The following SIDT1 variants were observed in gnomAD, a reference collection of about 807,000 sequenced individuals.
SIDT1 encodes SID1 transmembrane family member 1, also known as SID1 transmembrane family, member 1.
A neutral mutation model predicts 107.5 loss-of-function variants in SIDT1; 101 were observed. The ratio of observed to expected loss-of-function variants is 0.94; its 90% confidence interval spans 0.80 to 1.11. The LOEUF (loss-of-function observed/expected upper bound fraction) is 1.11, where lower values mean the gene tolerates loss of function less well. Ranked by LOEUF, SIDT1 falls within the 50% of genes least tolerant of loss-of-function variation. SIDT1 has a pLI of 0.00. For missense variants in SIDT1, 1,076 were observed against 1,058.2 expected (o/e 1.02, Z -0.23); for synonymous variants, 395 against 398.2 (o/e 0.99, Z 0.10).
chr3:113,604,100 A>G, intron 13 of SIDT1, 67 bp downstream of exon 13: 3 of 1,124,916 alleles, frequency 2.7e-6, no homozygotes, highest in Non-Finnish European at 3.9e-6. Flanking sequence ...CAGAGCCACA[A>G]CCACTTAGGC....
In SIDT1 at chr3:113,626,308, C is replaced by G. The variant is rs2271497; in HGVS notation, c.2421+93C>G. 3.1e-3 allele frequency: 2,492 copies of G among 796,770 alleles called. 73 individuals carry two copies. In the East Asian group the frequency reaches 0.059, roughly 19 times the overall value. 49.4% of individuals were successfully genotyped at this position (796,770 alleles called of 1,614,324 possible). A position where few individuals can be genotyped will look rare whatever the true frequency, so the allele number is the denominator to read the frequency against. ...CTCTTCCTTACTTTTTTTTATATTC[C>G]TCTCTAATTTTACTTTCCATTTCCT... On this transcript the variant is annotated intron_variant, in intron 24 of 24. Coordinates refer to ENST00000264852, the MANE Select transcript of SIDT1 (RefSeq NM_017699.3).
At position 113,581,599 on chromosome 3, in the gene SIDT1, G is replaced by A. The variant is rs112704401; in HGVS notation, c.747+155G>A. ...TAAAAACTAATATGTCTGGCCAGGCGCAGTGGCTCACACCTGTAATCCTAG... is the reference window on the plus strand; with the variant it reads ...TAAAAACTAATATGTCTGGCCAGGCACAGTGGCTCACACCTGTAATCCTAG... On this transcript the variant is annotated intron_variant, in intron 6 of 24. Transcript: ENST00000264852. 3.1e-4 allele frequency: 198 copies of A among 640,306 alleles called. 1 individual carries two copies. The highest frequency in any genetic ancestry group is 2.5e-3 in the African/African-American group (138 of 55,262). 39.7% of individuals were successfully genotyped at this position (640,306 alleles called of 1,614,324 possible).
intron 1 of SIDT1, among the ~76,000 whole-genome samples, chr3:113,551,121 T>C (rs944635123): frequency 2.6e-5 from 4 of 152,232 alleles, no homozygotes; most frequent in African/African-American, 9.6e-5. Flanking sequence ...TGTGTAGTAT[T>C]CCATGGTGCA....
At chr3:113,584,879 A>T (rs1485888904) in intron 8 of SIDT1, 110 bp downstream of exon 8, 40 of 819,358 alleles carry the variant, frequency 4.9e-5, no homozygotes, top group South Asian at 1.0e-4. Flanking sequence ...AGAAAACTAA[A>T]GTATATTTAC....
chr3:113,604,979 A>G lies in SIDT1; in HGVS notation c.1404+3A>G, dbSNP rs371793858. 1.7e-5 allele frequency: 27 copies of G among 1,613,780 alleles called. No individual in the cohort carries two copies. In the Middle Eastern group the frequency reaches 6.6e-4, roughly 39 times the overall value. On this transcript the variant is annotated splice_donor_region_variant and intron_variant, in intron 14 of 24. Coordinates refer to ENST00000264852, the MANE Select transcript of SIDT1 (RefSeq NM_017699.3). ...AGCTGGTCATTACCTATCAGACAGT[A>G]AGTGCTGCCCCAGCCCCAGCCCCAG...
intron 10 of SIDT1, among the ~76,000 whole-genome samples, chr3:113,596,313 G>A (rs538181704): frequency 6.0e-4 from 92 of 152,228 alleles, no homozygotes; most frequent in Non-Finnish European, 1.3e-3. Context: ...GTTGGAGTTA[G>A]GAAGGATGCA....
At chr3:113,584,649 A>G in intron 7 of SIDT1, 49 bp from the exon 8 acceptor site, 1 of 1,341,550 alleles carries the variant, frequency 7.5e-7, no homozygotes, top group Non-Finnish European at 1.0e-6. Context: ...AAAAAAAATC[A>G]TTATCTGATT....
intron 3 of SIDT1, among the ~76,000 whole-genome samples, chr3:113,568,525 C>A (rs180761151): frequency 1.3e-5 from 2 of 149,358 alleles, no homozygotes; most frequent in Non-Finnish European, 3.0e-5. Context: ...ACCTGGGAGG[C>A]GGAGCTTGCA....
In SIDT1 at chr3:113,584,787, A is replaced by C; in HGVS notation, c.907+18A>C. The C allele has an allele frequency of 6.5e-7, 1 of 1,537,480 alleles. No individual in the cohort carries two copies. The highest frequency in any genetic ancestry group is 8.8e-7 in the Non-Finnish European group (1 of 1,136,130). On this transcript the variant is annotated intron_variant, in intron 8 of 24. Coordinates refer to ENST00000264852, the MANE Select transcript of SIDT1 (RefSeq NM_017699.3). ...CATTAAAGGTCAGTGTTGGCTCCAG[A>C]ATGCATTGAAGAGATTCCTGTGTCA...
Position 113,603,101 on chromosome 3 carries a change from TC to T in SIDT1, c.1215del (p.Phe405LeufsTer55), listed in dbSNP as rs1018704021. 1 of 1,614,078 alleles carries T rather than the reference TC, an allele frequency of 6.2e-7. No individual in the cohort carries two copies. The highest frequency in any genetic ancestry group is 1.7e-5 in the Admixed American group (1 of 60,014). On this transcript the variant is annotated frameshift_variant, in exon 12 of 25. Coordinates refer to ENST00000264852, the MANE Select transcript of SIDT1 (RefSeq NM_017699.3). LOFTEE classifies it high-confidence loss of function. ...GACAGCTCCGTGGAGGAGAGCGACT[TC>T]GACACCATGCCAGACATTGAGAGTG... ...DTDSSVEESD[F>X]DTMPDIESDK...
chr3:113,551,085 G>C (rs1346789983), intron 1 of SIDT1, among the ~76,000 whole-genome samples: 2 of 152,188 alleles, frequency 1.3e-5, no homozygotes, highest in Non-Finnish European at 2.9e-5. Flanking sequence ...CCCTGCAAAG[G>C]ACATAATCTC....
intron 15 of SIDT1, among the ~76,000 whole-genome samples, chr3:113,607,604 G>T (rs1945429423): frequency 6.6e-6 from 1 of 152,260 alleles, no homozygotes; most frequent in South Asian, 2.1e-4. Context: ...TTGCCTGGGA[G>T]TTGGGAGTCT....
At chr3:113,583,210 C>A (rs1168607741) in intron 6 of SIDT1, among the ~76,000 whole-genome samples, 199 bp from the exon 7 acceptor site, 4 of 152,114 alleles carry the variant, frequency 2.6e-5, no homozygotes, top group African/African-American at 9.7e-5. Flanking sequence ...ACCTTAATTT[C>A]TTGGATGTAA....
chr3:113,594,347 C>G (rs4682499), intron 10 of SIDT1, among the ~76,000 whole-genome samples: 1 of 152,062 alleles, frequency 6.6e-6, no homozygotes, highest in Non-Finnish European at 1.5e-5. Flanking sequence ...CCCTTTTAGT[C>G]GTCAGATGTT....
Position 113,611,101 on chromosome 3 carries a change from A to G in SIDT1, c.1814A>G (p.Tyr605Cys), listed in dbSNP as rs1331621932. 3 of 1,613,808 alleles carry G rather than the reference A, an allele frequency of 1.9e-6. No homozygotes were observed. Among genetic ancestry groups the G allele is most frequent in the Non-Finnish European group, 2.5e-6 (3 of 1,179,944 alleles). The change falls in exon 18 of 25, where the codon TAT becomes TGT. Residue 605 changes from tyrosine (Y) to cysteine (C), a missense_variant. Physicochemically the swap from Tyr to Cys is radical, Grantham distance 194. Transcript: ENST00000264852. ...PDINASAYSA[Y>C]ASFAVVIMVT... The stretch of plus-strand genomic sequence containing the variant: ...ATCAATGCCAGCGCCTACTCTGCCT[A>G]TGCCTCCTTTGCTGTGGTCATCATG...
intron 9 of SIDT1, among the ~76,000 whole-genome samples, chr3:113,588,126 A>G (rs767621861): frequency 3.2e-4 from 49 of 152,256 alleles, no homozygotes; most frequent in Non-Finnish European, 5.6e-4. Flanking sequence ...CTGGTTATCA[A>G]TCGCTCTAAA....
At chr3:113,594,264 C>T (rs1382697519) in intron 10 of SIDT1, among the ~76,000 whole-genome samples, 1 of 152,170 alleles carries the variant, frequency 6.6e-6, no homozygotes, top group Non-Finnish European at 1.5e-5. Flanking sequence ...GTTTTATAAA[C>T]ATTCAGCTGT....
chr3:113,607,995 A>G (rs1945458964), intron 15 of SIDT1, 99 bp from the exon 16 acceptor site: 5 of 1,315,500 alleles, frequency 3.8e-6, no homozygotes, highest in Admixed American at 2.7e-5. Context: ...TTAATGGAAA[A>G]CATTCATGCT....
intron 1 of SIDT1, among the ~76,000 whole-genome samples, chr3:113,555,233 C>T (rs1175993605): frequency 6.6e-6 from 1 of 152,168 alleles, no homozygotes; most frequent in African/African-American, 2.4e-5. Flanking sequence ...CTGGTTAATT[C>T]CTACTCATCC....
Sources: allele counts gnomAD v4.1 joint callset (sites outside exome capture counted in the v4.1 genomes callset), GRCh38; gene constraint gnomAD v4.1.1; transcripts MANE v1.5; gene names NCBI Gene and HGNC (gene_info 2026-07-23, HGNC 2026-07-21).